The following RSRC1 variants were observed in gnomAD, a reference collection of about 807,000 sequenced individuals.
RSRC1 encodes arginine and serine rich coiled-coil 1.
In RSRC1, 39 loss-of-function variants were observed where a neutral mutation model predicts 49.1. The ratio of observed to expected loss-of-function variants is 0.79; its 90% CI spans 0.61 to 1.04. The LOEUF is 1.04. Among genes scored for constraint, RSRC1 ranks in the 50% least tolerant of loss-of-function variants. The pLI, the probability that RSRC1 is intolerant of heterozygous loss-of-function variation, is 0.00. For missense variants in RSRC1, 388 were observed against 402.4 expected, an observed-to-expected ratio of 0.96 and a Z score of 0.31; for synonymous variants, 143 against 130.8, an observed-to-expected ratio of 1.09 and a Z score of -0.63.
chr3:158,170,303 C>G (rs1196331518), intron 3 of RSRC1, among the ~76,000 whole-genome samples: 1 of 97,210 alleles, frequency 1.0e-5, no homozygotes, highest in East Asian at 3.5e-4. Context: ...TCTTTCTGGT[C>G]TGCCTTTTTT....
chr3:158,220,390 A>G (rs1722164277), intron 4 of RSRC1, among the ~76,000 whole-genome samples: 1 of 151,558 alleles, frequency 6.6e-6, no homozygotes, highest in Non-Finnish European at 1.5e-5. Context: ...GGTTAGATGA[A>G]ATGATGGCCA....
At chr3:158,257,840 A>G (rs1724656027) in intron 4 of RSRC1, among the ~76,000 whole-genome samples, 1 of 152,118 alleles carries the variant, frequency 6.6e-6, no homozygotes, top group Admixed American at 6.5e-5. Flanking sequence ...AGGCTTGAAA[A>G]TAATATAACT....
intron 6 of RSRC1, among the ~76,000 whole-genome samples, chr3:158,355,993 A>T (rs909285504): frequency 6.6e-6 from 1 of 151,904 alleles, no homozygotes; most frequent in South Asian, 2.1e-4. Flanking sequence ...TAAGAGATTA[A>T]TAATGATAAT....
At chr3:158,541,538 C>G (rs1197556792) in intron 8 of RSRC1, among the ~76,000 whole-genome samples, 1 of 152,160 alleles carries the variant, frequency 6.6e-6, no homozygotes, top group East Asian at 1.9e-4. Context: ...ATCTCCAACT[C>G]TAAAACAAAT....
chr3:158,119,305 A>G (rs901820643), intron 1 of RSRC1, among the ~76,000 whole-genome samples: 4 of 152,166 alleles, frequency 2.6e-5, no homozygotes, highest in Admixed American at 2.6e-4. Context: ...CCTGATAATA[A>G]GTTTTCTTAG....
intron 3 of RSRC1, among the ~76,000 whole-genome samples, chr3:158,202,353 G>A (rs774723371): frequency 6.6e-6 from 1 of 151,236 alleles, no homozygotes; most frequent in Non-Finnish European, 1.5e-5. Context: ...AAGTGGAAGT[G>A]GGTCATCATA....
chr3:158,175,020 G>T (rs1719118283), intron 3 of RSRC1, among the ~76,000 whole-genome samples: 1 of 152,010 alleles, frequency 6.6e-6, no homozygotes, highest in African/African-American at 2.4e-5. Flanking sequence ...ATTCTGGTGG[G>T]CATATAGTAC....
At chr3:158,158,888 G>A (rs1483352853) in intron 3 of RSRC1, among the ~76,000 whole-genome samples, 1 of 150,244 alleles carries the variant, frequency 6.7e-6, no homozygotes, top group Non-Finnish European at 1.5e-5. Context: ...GCAGTAAGCC[G>A]TGATCGTACC....
At position 158,285,233 on chromosome 3, in the gene RSRC1, G is replaced by A. The variant is rs189964126; in HGVS notation, c.495-12806G>A. 5.2e-3 allele frequency among the ~76,000 whole-genome samples: 798 copies of A among 152,250 alleles called. 13 individuals are homozygous for A. Among genetic ancestry groups the A allele is most frequent in the African/African-American group, 0.018 (763 of 41,564 alleles). On this transcript the variant is annotated intron_variant, in intron 4 of 9. Transcript: ENST00000611884. ...ATTCGGCGTTATTTCTGAGGGCTCTGTTCTGTTCCATTGATCTATATCTCT... is the reference window on the plus strand; with the variant it reads ...ATTCGGCGTTATTTCTGAGGGCTCTATTCTGTTCCATTGATCTATATCTCT...
chr3:158,306,016 C>A (rs752091765), intron 5 of RSRC1, among the ~76,000 whole-genome samples: 3 of 151,956 alleles, frequency 2.0e-5, no homozygotes, highest in Non-Finnish European at 4.4e-5. Context: ...AAAACAATAT[C>A]TTAATTCCAG....
chr3:158,528,255 T>C (rs1712165936), intron 7 of RSRC1, among the ~76,000 whole-genome samples: 3 of 151,934 alleles, frequency 2.0e-5, no homozygotes, highest in South Asian at 4.1e-4. Context: ...ATAGCATAAT[T>C]GCATTAAAAA....
chr3:158,276,211 G>T (rs550808216), intron 4 of RSRC1: 1 of 787,714 alleles, frequency 1.3e-6, no homozygotes, highest in East Asian at 2.4e-5. Flanking sequence ...GGGCATTTTC[G>T]GCCACCATGG....
At chr3:158,134,425 T>C (rs930127478) in intron 3 of RSRC1, among the ~76,000 whole-genome samples, 1 of 152,208 alleles carries the variant, frequency 6.6e-6, no homozygotes, top group Non-Finnish European at 1.5e-5. Flanking sequence ...TTAAACTTGT[T>C]GTGTAAATAG....
intron 5 of RSRC1, among the ~76,000 whole-genome samples, chr3:158,326,695 T>A (rs1729173484): frequency 6.6e-6 from 1 of 152,176 alleles, no homozygotes; most frequent in Non-Finnish European, 1.5e-5. Flanking sequence ...ATTCTCTTTT[T>A]TTGTTGTGTC....
chr3:158,326,534 A>T (rs1045026955), intron 5 of RSRC1, among the ~76,000 whole-genome samples: 1 of 152,024 alleles, frequency 6.6e-6, no homozygotes, highest in Admixed American at 6.6e-5. Context: ...GATTACATTT[A>T]TTGATTTGTG....
At chr3:158,292,602 A>C (rs1273893237) in intron 4 of RSRC1, among the ~76,000 whole-genome samples, 1 of 152,206 alleles carries the variant, frequency 6.6e-6, no homozygotes, top group East Asian at 1.9e-4. Flanking sequence ...AAGTCATGAC[A>C]GGGACAACCC....
chr3:158,148,912 T>G (rs554319062), intron 3 of RSRC1, among the ~76,000 whole-genome samples: 1 of 151,926 alleles, frequency 6.6e-6, no homozygotes, highest in South Asian at 2.1e-4. Context: ...GCCTCCCGAG[T>G]AGCTGAGATT....
At position 158,484,898 on chromosome 3, in the gene RSRC1, A is replaced by T. The variant is rs192317710; in HGVS notation, c.652+23895A>T. The stretch of plus-strand genomic sequence containing the variant: ...TTAGCTTTTCCAGTTATAGCAGGAA[A>T]ATATGTTTGCTAGAACATAAAATAT... On this transcript the variant is annotated intron_variant, in intron 7 of 9. Coordinates refer to ENST00000611884, the MANE Select transcript of RSRC1 (RefSeq NM_001271838.2). Among the ~76,000 whole-genome samples, 726 of 152,210 alleles carry T rather than the reference A, an allele frequency of 4.8e-3. 6 individuals are homozygous for T. The highest frequency in any genetic ancestry group is 0.017 in the African/African-American group (700 of 41,546).
At chr3:158,202,715 G>A (rs1031204709) in intron 3 of RSRC1, among the ~76,000 whole-genome samples, 4 of 151,402 alleles carry the variant, frequency 2.6e-5, no homozygotes, top group Non-Finnish European at 2.9e-5. Context: ...AAGAAATAAG[G>A]TTGAATAGAT....
Sources: gnomAD v4.1 joint callset for allele counts (sites outside exome capture counted in the v4.1 genomes callset) on GRCh38, gnomAD v4.1.1 for gene constraint, MANE v1.5 for transcripts, NCBI Gene and HGNC (gene_info 2026-07-23, HGNC 2026-07-21) for gene names.